TEX9: variants seen among roughly 807,000 people sequenced by gnomAD.
The protein encoded by TEX9 is testis-expressed protein 9.
TEX9 carries 74 observed loss-of-function variants against 59.6 expected under a neutral mutation model. The ratio of observed to expected loss-of-function variants is 1.24; its 90% CI spans 1.03 to 1.51. The LOEUF (loss-of-function observed/expected upper bound fraction) is 1.51. Ranked by LOEUF, TEX9 falls within the 40% of genes most tolerant of loss-of-function variation. The pLI is 0.00. For missense variants in TEX9, 522 were observed against 447.8 expected (o/e 1.17, Z -1.49); for synonymous variants, 186 against 152.2 (o/e 1.22, Z -1.64).
chr15:56,405,665 G>GATA (rs1447841818), intron 9 of TEX9, among the ~76,000 whole-genome samples: 6 of 151,836 alleles, frequency 4.0e-5, no homozygotes, highest in African/African-American at 1.5e-4. Context: ...AATTCTCATG[G>GATA]GTTATGTAGC....
At chr15:56,447,165 C>A (rs2050911825), downstream of TEX9, 2 of 393,538 alleles carry the variant, frequency 5.1e-6, no homozygotes, top group African/African-American at 2.0e-5. Flanking sequence ...CTATTACATT[C>A]ATCTGTTTGC....
the TEX9 span, among the ~76,000 whole-genome samples, chr15:56,455,691 T>C: frequency 6.6e-6 from 1 of 152,198 alleles, no homozygotes; most frequent in Admixed American, 6.5e-5. Context: ...TCTAGAATAG[T>C]GTCCTGTCAT....
intron 1 of TEX9, among the ~76,000 whole-genome samples, chr15:56,271,340 A>G (rs1421492242): frequency 2.6e-5 from 4 of 151,146 alleles, no homozygotes; most frequent in African/African-American, 9.7e-5. Context: ...GTTTCTTTTT[A>G]CTCTTTTTTC....
chr15:56,344,475 A>G (rs1054187246), intron 1 of TEX9, among the ~76,000 whole-genome samples: 10 of 152,146 alleles, frequency 6.6e-5, no homozygotes, highest in African/African-American at 2.4e-4. Context: ...AAATCCATAG[A>G]GACAGAAATT....
intron 1 of TEX9, among the ~76,000 whole-genome samples, chr15:56,253,792 A>G (rs2044083684): frequency 1.3e-5 from 2 of 152,028 alleles, no homozygotes; most frequent in African/African-American, 4.8e-5. Context: ...TAAAAATTAC[A>G]GCTCTTCACA....
At chr15:56,332,646 C>A (rs903999218) in intron 1 of TEX9, among the ~76,000 whole-genome samples, 36 of 148,278 alleles carry the variant, frequency 2.4e-4, no homozygotes, top group African/African-American at 8.4e-4. Context: ...AAAAGAAGAG[C>A]AAATCAAACA....
At chr15:56,459,990 CAAA>C in the TEX9 span, among the ~76,000 whole-genome samples, 2 of 11,108 alleles carry the variant, frequency 1.8e-4, no homozygotes, top group African/African-American at 9.0e-4. Flanking sequence ...AATTCTGTCT[CAAA>C]AAAAAAAAAA....
At chr15:56,447,047 T>A, downstream of TEX9, 1 of 730,246 alleles carries the variant, frequency 1.4e-6, no homozygotes, top group Non-Finnish European at 2.3e-6. Flanking sequence ...AAAGAGGGAA[T>A]ACAGCGGGTA....
intron 1 of TEX9, among the ~76,000 whole-genome samples, chr15:56,251,007 G>GGCAAGT: frequency 6.6e-6 from 1 of 152,204 alleles, no homozygotes; most frequent in Non-Finnish European, 1.5e-5. Context: ...CACTCCTCAT[G>GGCAAGT]TATTTGAGAA....
At position 56,382,427 on chromosome 15, in the gene TEX9, G is replaced by A. The variant is rs373539377; in HGVS notation, c.184-1525G>A. 6.6e-5 allele frequency among the ~76,000 whole-genome samples: 10 copies of A among 152,150 alleles called. No individual in the cohort carries two copies. The East Asian group carries it at 7.7e-4, about 12-fold the overall frequency. On this transcript the variant is annotated intron_variant, in intron 3 of 12. Transcript: ENST00000352903. ...TTTCCCTTTGCTTTCACAAGCAGAA[G>A]GAGTCTTTCACTGTAGCCACTACAA...
intron 1 of TEX9, among the ~76,000 whole-genome samples, chr15:56,295,577 C>T (rs1052114384): frequency 5.3e-5 from 8 of 152,226 alleles, no homozygotes; most frequent in Admixed American, 4.6e-4. Context: ...GATATTTAGT[C>T]TCACCAGGTT....
intron 1 of TEX9, among the ~76,000 whole-genome samples, chr15:56,266,190 A>G (rs1466221167): frequency 1.3e-5 from 2 of 151,420 alleles, no homozygotes; most frequent in African/African-American, 2.4e-5. Flanking sequence ...GCAGTGGTGC[A>G]GTCTTGGCTT....
rs370727187 is a variant in TEX9 at position 56,379,517 on chromosome 15, T to G, written c.184-4435T>G. On this transcript the variant is annotated intron_variant, in intron 3 of 12. Coordinates refer to ENST00000352903, the Ensembl canonical transcript of TEX9. Reference sequence around the variant, plus strand: ...CATGCTGAGGAGAATAATGTGTATCTGTAGTCTTTGGATGAAATGTTCTGT... The same window carrying G: ...CATGCTGAGGAGAATAATGTGTATCGGTAGTCTTTGGATGAAATGTTCTGT... Among the ~76,000 whole-genome samples the G allele has an allele frequency of 2.0e-5, 3 of 152,340 alleles. 1 individual carries two copies. Among genetic ancestry groups the G allele is most frequent in the Admixed American group, 6.5e-5 (1 of 15,304 alleles).
chr15:56,338,680 G>T, intron 1 of TEX9, among the ~76,000 whole-genome samples: 1 of 152,208 alleles, frequency 6.6e-6, no homozygotes, highest in Non-Finnish European at 1.5e-5. Flanking sequence ...ACTTTGGGAG[G>T]CCAAGGTGGG....
downstream of TEX9, among the ~76,000 whole-genome samples, chr15:56,449,419 G>A (rs2050932660): frequency 6.6e-6 from 1 of 152,114 alleles, no homozygotes; most frequent in Non-Finnish European, 1.5e-5. Flanking sequence ...TTTTTAAAAT[G>A]TTAAACCACC....
intron 1 of TEX9, among the ~76,000 whole-genome samples, chr15:56,358,230 C>T (rs1326197035): frequency 6.6e-6 from 1 of 152,024 alleles, no homozygotes; most frequent in African/African-American, 2.4e-5. Context: ...TAAATGCCTA[C>T]TATCAGAAGA....
At chr15:56,443,611 G>C (rs772180805) in intron 12 of TEX9, 12 of 1,599,862 alleles carry the variant, frequency 7.5e-6, no homozygotes, top group African/African-American at 1.3e-5. Context: ...AATTTTACTA[G>C]TGTTAAAGAA....
intron 12 of TEX9, chr15:56,444,678 T>A: frequency 6.2e-7 from 1 of 1,605,678 alleles, no homozygotes; most frequent in Non-Finnish European, 8.5e-7. Flanking sequence ...ACGTTTCTGT[T>A]ATTAAAACAA....
At chr15:56,263,828 C>T (rs76003952) in intron 1 of TEX9, among the ~76,000 whole-genome samples, 4,681 of 152,136 alleles carry the variant, frequency 0.031, 236 homozygotes, top group African/African-American at 0.11. Flanking sequence ...TGTTTGGCTT[C>T]TTTTATGTAG....
Sources: allele counts gnomAD v4.1 joint callset (sites outside exome capture counted in the v4.1 genomes callset), GRCh38; gene constraint gnomAD v4.1.1; transcripts MANE v1.5; gene names NCBI Gene and HGNC (gene_info 2026-07-23, HGNC 2026-07-21).